Variants in ST3GAL4 observed in about 807,000 individuals in gnomAD.
ST3GAL4 encodes CMP-N-acetylneuraminate-beta-galactosamide-alpha-2,3-sialyltransferase 4.
Under a neutral mutation model 42.6 loss-of-function variants are expected in ST3GAL4, and 24 were observed. That is an observed-to-expected ratio of 0.56 (90% CI 0.41 to 0.79). The LOEUF is 0.79. Ranked by LOEUF, ST3GAL4 falls within the 30% of genes least tolerant of loss-of-function variation. ST3GAL4 has a pLI of 0.00. For missense variants in ST3GAL4, 311 were observed against 430.8 expected, an observed-to-expected ratio of 0.72 and a Z score of 2.46; for synonymous variants, 135 against 163.2, an observed-to-expected ratio of 0.83 and a Z score of 1.32.
rs1952900855 is a variant in ST3GAL4, at chr11:126,378,616, C to A, written c.-61+22774C>A. Among the ~76,000 whole-genome samples, 1 of 152,164 alleles carries A rather than the reference C, an allele frequency of 6.6e-6. No homozygotes were observed. The highest frequency in any genetic ancestry group is 2.4e-5 in the African/African-American group (1 of 41,452). Reference sequence around the variant, plus strand: ...TAGAGACAGGGTTTCACCGTGTTAGCCAGGATGGTCTCGATCTCCTGACCT... The same window carrying A: ...TAGAGACAGGGTTTCACCGTGTTAGACAGGATGGTCTCGATCTCCTGACCT... On this transcript the variant is annotated intron_variant, in intron 1 of 10. Transcript: ENST00000444328. The surrounding 1 kb of genome is among the most constrained non-coding windows in gnomAD (Gnocchi z 5.3).
chr11:126,375,830 A>T (rs1952816214), intron 1 of ST3GAL4, among the ~76,000 whole-genome samples: 2 of 146,498 alleles, frequency 1.4e-5, no homozygotes, highest in Admixed American at 6.8e-5. Flanking sequence ...CCCCAAAGTT[A>T]GTGGGGCAGA....
chr11:126,390,724 G>A (rs915579986), intron 1 of ST3GAL4, among the ~76,000 whole-genome samples: 11 of 149,270 alleles, frequency 7.4e-5, no homozygotes, highest in Non-Finnish European at 1.5e-4. Flanking sequence ...TGTGTGTATA[G>A]TGCAGTGGCA....
rs1329146591 is a variant in ST3GAL4 at position 126,377,476 on chromosome 11, C to G, written c.-61+21634C>G. Among the ~76,000 whole-genome samples the G allele has an allele frequency of 2.3e-5, 3 of 132,184 alleles. No homozygotes were observed. In the East Asian group the frequency reaches 7.5e-4, roughly 33 times the overall value. 86.7% of individuals were successfully genotyped at this position (132,184 alleles called of 152,430 possible). The stretch of plus-strand genomic sequence containing the variant: ...GTGAGCCACCGTGCCTGGCCAACAC[C>G]TTCTTTTTTTTTTTTTTTTTTTGAG... On this transcript the variant is annotated intron_variant, in intron 1 of 10. Coordinates refer to ENST00000444328, the MANE Select transcript of ST3GAL4 (RefSeq NM_001254757.2).
chr11:126,371,370 G>A (rs993114349), intron 1 of ST3GAL4, among the ~76,000 whole-genome samples: 8 of 151,254 alleles, frequency 5.3e-5, no homozygotes, highest in Non-Finnish European at 1.0e-4. Context: ...TCACCATGTT[G>A]GCCAGGCTGG....
intron 9 of ST3GAL4, 76 bp from the exon 10 acceptor site, chr11:126,413,429 C>T (rs1385085894): frequency 6.4e-7 from 1 of 1,555,392 alleles, no homozygotes; most frequent in East Asian, 2.3e-5. Flanking sequence ...CAGGAAGTTC[C>T]ACTGCAGAGC....
rs1253943191 is a variant in ST3GAL4, at chr11:126,406,010, G to A, written c.-60-86G>A. On this transcript the variant is annotated intron_variant, in intron 1 of 10. Transcript: ENST00000444328. The surrounding 1 kb of genome is among the most constrained non-coding windows in gnomAD (Gnocchi z 5.4). ...CTTCCTGCTTTCTGGTGGAAGGGAG[G>A]GGCAGACAGTGGGTGTGTCCTGCTC... 1 of 1,468,534 alleles carries A rather than the reference G, an allele frequency of 6.8e-7. No individual in the cohort carries two copies. Among genetic ancestry groups the A allele is most frequent in the Non-Finnish European group, 9.3e-7 (1 of 1,076,950 alleles). The allele number at this position is 1,468,534 out of a possible 1,614,324, so 91.0% of individuals were successfully genotyped here.
At position 126,386,316 on chromosome 11, in the gene ST3GAL4, T is replaced by C. The variant is rs540673467; in HGVS notation, c.-60-19780T>C. Among the ~76,000 whole-genome samples, 1 of 152,236 alleles carries C rather than the reference T, an allele frequency of 6.6e-6. No individual in the cohort carries two copies. Among genetic ancestry groups the C allele is most frequent in the East Asian group, 1.9e-4 (1 of 5,158 alleles). ...AAGGATGAATGCCATGAGTCCAGCATGTCACCCTGTTTCTGTCCTGCCACA... is the reference window on the plus strand; with the variant it reads ...AAGGATGAATGCCATGAGTCCAGCACGTCACCCTGTTTCTGTCCTGCCACA... On this transcript the variant is annotated intron_variant, in intron 1 of 10. Transcript: ENST00000444328. This position sits in a 1 kb window ranked among gnomAD's most constrained non-coding sequence, Gnocchi z 4.7.
Position 126,376,181 on chromosome 11 carries a change from T to A in ST3GAL4, c.-61+20339T>A, listed in dbSNP as rs7940893. 1.3e-5 allele frequency among the ~76,000 whole-genome samples: 2 copies of A among 152,014 alleles called. No homozygotes were observed. Among genetic ancestry groups the A allele is most frequent in the African/African-American group, 4.8e-5 (2 of 41,364 alleles). The stretch of plus-strand genomic sequence containing the variant: ...CTATAGTAAGTTACTCCGATTGGCT[T>A]TTGGTATTAAAATGTCTTCAGTTTC... On this transcript the variant is annotated intron_variant, in intron 1 of 10. Coordinates refer to ENST00000444328, the MANE Select transcript of ST3GAL4 (RefSeq NM_001254757.2). This position sits in a 1 kb window ranked among gnomAD's most constrained non-coding sequence, Gnocchi z 5.1.
At chr11:126,401,986 TAGAGAAGGAGAGGTGGG>T (rs1954016652) in intron 1 of ST3GAL4, among the ~76,000 whole-genome samples, 1 of 150,314 alleles carries the variant, frequency 6.7e-6, no homozygotes, top group African/African-American at 2.4e-5. Context: ...AGTCAGAGAA[TAGAGAAGGAGAGGTGGG>T]AGACACAGGG....
rs3862629 is a variant in ST3GAL4 at position 126,373,610 on chromosome 11, C to T, written c.-61+17768C>T. Among the ~76,000 whole-genome samples the T allele has an allele frequency of 0.33, 50,341 of 151,754 alleles. 9,305 individuals are homozygous for T. The highest frequency in any genetic ancestry group is 0.49 in the African/African-American group (20,384 of 41,396). ...TGCAGTGCCAGGCTGCAGGGGCGGA[C>T]GGGAGGGGGTCGTGGTGGGTAGCCT... On this transcript the variant is annotated intron_variant, in intron 1 of 10. Transcript: ENST00000444328. The surrounding 1 kb of genome is among the most constrained non-coding windows in gnomAD (Gnocchi z 5.5).
In ST3GAL4 at chr11:126,373,215, T is replaced by G. The variant is rs1218034031; in HGVS notation, c.-61+17373T>G. 6.6e-6 allele frequency among the ~76,000 whole-genome samples: 1 copy of G among 152,236 alleles called. No homozygotes were observed. The highest frequency in any genetic ancestry group is 1.9e-4 in the East Asian group (1 of 5,176). On this transcript the variant is annotated intron_variant, in intron 1 of 10. Transcript: ENST00000444328. The surrounding 1 kb of genome is among the most constrained non-coding windows in gnomAD (Gnocchi z 5.5). ...CTTTGGAGATGGATTAATCAGGAAC[T>G]TGGGTGCTGATTCTAGGAGGTACTG... is the stretch of plus-strand genomic sequence containing the variant.
At position 126,366,869 on chromosome 11, in the gene ST3GAL4, G is replaced by C. The variant is rs545329750; in HGVS notation, c.-61+11027G>C. 1.3e-5 allele frequency among the ~76,000 whole-genome samples: 2 copies of C among 152,204 alleles called. No homozygotes were observed. Among genetic ancestry groups the C allele is most frequent in the African/African-American group, 2.4e-5 (1 of 41,454 alleles). ...CTCCAAAACTCTTAAAAGCAGAGCC[G>C]AGAGCCTGAATTCAGAGGCTGTACT... On this transcript the variant is annotated intron_variant, in intron 1 of 10. Transcript: ENST00000444328. The surrounding 1 kb of genome is among the most constrained non-coding windows in gnomAD (Gnocchi z 4.2).
chr11:126,403,493 C>T (rs980430310), intron 1 of ST3GAL4: 28 of 970,558 alleles, frequency 2.9e-5, no homozygotes, highest in East Asian at 1.1e-4. Context: ...GGAGGTACGG[C>T]GCTGATTTGT....
rs1328914510 is a variant in ST3GAL4 at position 126,393,484 on chromosome 11, G to A, written c.-60-12612G>A. Among the ~76,000 whole-genome samples, 8 of 152,196 alleles carry A rather than the reference G, an allele frequency of 5.3e-5. No individual in the cohort carries two copies. The highest frequency in any genetic ancestry group is 1.9e-4 in the African/African-American group (8 of 41,452). On this transcript the variant is annotated intron_variant, in intron 1 of 10. Transcript: ENST00000444328. The surrounding 1 kb of genome is among the most constrained non-coding windows in gnomAD (Gnocchi z 5.9). ...GATGGCTCAGGAGGAGGGGGATGGG[G>A]ACGGGGAGAGTGAGGTCTTTTTGAC...
Position 126,373,447 on chromosome 11 carries a change from T to C in ST3GAL4, c.-61+17605T>C, listed in dbSNP as rs1316440478. 6.6e-6 allele frequency among the ~76,000 whole-genome samples: 1 copy of C among 152,180 alleles called. No homozygotes were observed. The highest frequency in any genetic ancestry group is 1.5e-5 in the Non-Finnish European group (1 of 68,034). On this transcript the variant is annotated intron_variant, in intron 1 of 10. Transcript: ENST00000444328. The surrounding 1 kb of genome is among the most constrained non-coding windows in gnomAD (Gnocchi z 5.5). ...CTTGATTCCACCTCCTCACACTGGC[T>C]TCAGCTTTCTCACCCTCAGAATGGA...
At chr11:126,395,700 G>A (rs1253821839) in intron 1 of ST3GAL4, among the ~76,000 whole-genome samples, 16 of 152,176 alleles carry the variant, frequency 1.1e-4, no homozygotes, top group Admixed American at 9.8e-4. Flanking sequence ...CCCTTTTCAC[G>A]TGGCTGTCCT....
At chr11:126,399,135 G>C (rs1210173824) in intron 1 of ST3GAL4, among the ~76,000 whole-genome samples, 1 of 152,000 alleles carries the variant, frequency 6.6e-6, no homozygotes, top group Non-Finnish European at 1.5e-5. Context: ...TTATCAAGTG[G>C]TCCATACTAA....
chr11:126,370,374 A>G (rs1478481466), intron 1 of ST3GAL4, among the ~76,000 whole-genome samples: 4 of 152,184 alleles, frequency 2.6e-5, no homozygotes, highest in African/African-American at 7.2e-5. Flanking sequence ...AATGTAGATA[A>G]ATGTCTTATG....
At chr11:126,357,029 T>G (rs909269221) in intron 1 of ST3GAL4, among the ~76,000 whole-genome samples, 1 of 152,356 alleles carries the variant, frequency 6.6e-6, no homozygotes, top group South Asian at 2.1e-4. Context: ...AAATATTCAC[T>G]ATTGGTAATA....
Sources: allele counts gnomAD v4.1 joint callset (sites outside exome capture counted in the v4.1 genomes callset), GRCh38; gene constraint gnomAD v4.1.1; non-coding constraint Gnocchi (gnomAD v3.1); transcripts MANE v1.5; gene names NCBI Gene and HGNC (gene_info 2026-07-23, HGNC 2026-07-21).